Variants in LTBP3 observed in about 807,000 individuals in gnomAD.
LTBP3 encodes latent-transforming growth factor beta-binding protein 3.
In LTBP3, 97 loss-of-function variants were observed where a neutral mutation model predicts 159.7. The observed-to-expected ratio is 0.61, with a 90% CI of 0.52 to 0.72. The LOEUF (loss-of-function observed/expected upper bound fraction) is 0.72, where lower values mean the gene tolerates loss of function less well. Among genes scored for constraint, LTBP3 ranks in the 30% least tolerant of loss-of-function variants. The probability of loss-of-function intolerance (pLI) is 0.00; values close to 1 mark genes in which losing one functional copy is unlikely to be tolerated. For missense variants in LTBP3, 1,584 were observed against 1,864.3 expected (o/e 0.85, Z 2.77); for synonymous variants, 824 against 777.1 (o/e 1.06, Z -1.00).
chr11:65,556,968 G>C (rs1856833926), intron 1 of LTBP3, among the ~76,000 whole-genome samples: 1 of 152,072 alleles, frequency 6.6e-6, no homozygotes, highest in Admixed American at 6.5e-5. Flanking sequence ...GTAGGGGCTT[G>C]GGGGAGGATG....
intron 23 of LTBP3, 43 bp downstream of exon 23, chr11:65,540,202 C>A: frequency 1.3e-6 from 2 of 1,544,288 alleles, no homozygotes; most frequent in Non-Finnish European, 1.7e-6. Flanking sequence ...TCGGCCCGGG[C>A]CCCGCCCCTC....
rs895862017 is a variant in LTBP3, at chr11:65,547,239, G to C, written c.2107+200C>G. Among the ~76,000 whole-genome samples the C allele has an allele frequency of 6.6e-6, 1 of 152,144 alleles. No individual in the cohort carries two copies. ...GGCGCCCGTAATCCCAGCTACTCGG[G>C]AGGCTGAGGCAGGAGAATCGCTTGA... On this transcript the variant is annotated intron_variant, in intron 14 of 27. Transcript: ENST00000301873. This position sits in a 1 kb window ranked among gnomAD's most constrained non-coding sequence, Gnocchi z 4.6.
rs546184125 is a variant in LTBP3, at chr11:65,551,058, G to C, written c.1720+68C>G. On this transcript the variant is annotated intron_variant, in intron 11 of 27. Transcript: ENST00000301873. ...AGCGCTAGGGAATGCCTGGGGGCGG[G>C]AGGGAGGAGAGAAAACTAAAGTGGG... 1,170 of 1,275,878 alleles carry C rather than the reference G, an allele frequency of 9.2e-4. 2 individuals carry two copies. Among genetic ancestry groups the C allele is most frequent in the Non-Finnish European group, 1.2e-3 (1,125 of 905,598 alleles). 79.0% of individuals were successfully genotyped at this position (1,275,878 alleles called of 1,614,324 possible).
Position 65,554,276 on chromosome 11 carries a change from C to T in LTBP3, c.436G>A (p.Gly146Arg), listed in dbSNP as rs1401036335. The T allele has an allele frequency of 1.9e-6, 3 of 1,611,086 alleles. No homozygotes were observed. The highest frequency in any genetic ancestry group is 2.5e-6 in the Non-Finnish European group (3 of 1,179,352). The change falls in exon 2 of 28, where the codon GGA becomes AGA. Residue 146 changes from glycine to arginine, a missense_variant. By Grantham distance (125) the Gly-to-Arg change is moderately radical (BLOSUM62 -2). Transcript: ENST00000301873. The surrounding 1 kb of genome is among the most constrained non-coding windows in gnomAD (Gnocchi z 5.3). ...TGRFCQVPAGGAGGGTGGSGP... is the reference protein window; with the variant it reads ...TGRFCQVPAGRAGGGTGGSGP... ...GAGCCGCCGGTACCCCCACCGGCTC[C>T]TCCTGCGGGCACCTGGCAGAAGCGC...
intron 11 of LTBP3, chr11:65,548,933 G>T (rs949820353): frequency 1.3e-5 from 2 of 152,198 alleles, no homozygotes; most frequent in African/African-American, 2.4e-5. Flanking sequence ...GAGGATCAGG[G>T]TTTCAGCTGG....
rs147143573 is a variant in LTBP3, at chr11:65,543,430, C to T, written c.2473G>A (p.Glu825Lys). 7.6e-5 allele frequency: 122 copies of T among 1,613,936 alleles called. No individual in the cohort carries two copies. Among genetic ancestry groups the T allele is most frequent in the Non-Finnish European group, 9.5e-5 (112 of 1,179,998 alleles). The change falls in exon 17 of 28, where the codon GAG becomes AAG. Residue 825 changes from glutamate to lysine, a missense_variant. Coordinates refer to ENST00000301873, the MANE Select transcript of LTBP3 (RefSeq NM_001130144.3). ...CCCCAGCTCTAAGATCCCTCACCCT[C>T]GCAGTGGCTCCGGTCCCTGGACAGA... ...YHLSRDRSHC[E>K]DIDECDFPAA... is the part of the protein sequence containing the mutation.
At position 65,554,157 on chromosome 11, in the gene LTBP3, G is replaced by C. The variant is rs1856721761; in HGVS notation, c.555C>G (p.Ile185Met). 4.3e-6 allele frequency: 7 copies of C among 1,612,058 alleles called. No homozygotes were observed. In the East Asian group the frequency reaches 1.6e-4, roughly 36 times the overall value. The change falls in exon 2 of 28, where the codon ATC (isoleucine) becomes ATG (methionine). Residue 185 changes from isoleucine (I) to methionine (M), a missense_variant. Coordinates refer to ENST00000301873, the MANE Select transcript of LTBP3 (RefSeq NM_001130144.3). The surrounding 1 kb of genome is among the most constrained non-coding windows in gnomAD (Gnocchi z 5.3). ...GGTCAGCGATCACCTGGACGGCGTA[G>C]ATGGCGTGCTTGCTGGCCACAGAGT... ...EGDSVASKHAIYAVQVIADPP... is the reference protein window; with the variant it reads ...EGDSVASKHAMYAVQVIADPP...
At position 65,553,336 on chromosome 11, in the gene LTBP3, G is replaced by T; in HGVS notation, c.971-80C>A. The T allele has an allele frequency of 7.5e-7, 1 of 1,339,258 alleles. No individual in the cohort carries two copies. Among genetic ancestry groups the T allele is most frequent in the Non-Finnish European group, 1.1e-6 (1 of 937,642 alleles). The allele number at this position is 1,339,258 out of a possible 1,614,324, so 83.0% of individuals were successfully genotyped here. On this transcript the variant is annotated intron_variant, in intron 4 of 27. Transcript: ENST00000301873. This position sits in a 1 kb window ranked among gnomAD's most constrained non-coding sequence, Gnocchi z 6.5. ...CACAGCAGATGTAGAGAGGAATCTG[G>T]TGACCTGGGGACTCCCACTGCAGGG...
chr11:65,556,926 G>C (rs1167964030), intron 1 of LTBP3, among the ~76,000 whole-genome samples: 2 of 152,102 alleles, frequency 1.3e-5, no homozygotes, highest in African/African-American at 4.8e-5. Flanking sequence ...ATGCTGGGGA[G>C]GGGGTGGACT....
At chr11:65,543,593 T>C (rs1452716113) in intron 16 of LTBP3, 44 bp from the exon 17 acceptor site, 1 of 1,613,376 alleles carries the variant, frequency 6.2e-7, no homozygotes, top group Non-Finnish European at 8.5e-7. Flanking sequence ...TGGGTGGTCT[T>C]GGGTTTCTAC....
rs1856738209 is a variant in LTBP3, at chr11:65,554,568, T to C, written c.332-188A>G. ...CTATGTTGGGTTCTGGAGTCTCAAG[T>C]CCAGGATTTAAATCCTCGCTAAGCC... On this transcript the variant is annotated intron_variant, in intron 1 of 27. Transcript: ENST00000301873. This position sits in a 1 kb window ranked among gnomAD's most constrained non-coding sequence, Gnocchi z 5.3. Among the ~76,000 whole-genome samples the C allele has an allele frequency of 6.6e-6, 1 of 152,034 alleles. No homozygotes were observed. The highest frequency in any genetic ancestry group is 1.5e-5 in the Non-Finnish European group (1 of 67,972).
In LTBP3 at chr11:65,547,659, C is replaced by T. The variant is rs751502212; in HGVS notation, c.1978+31G>A. 1 of 1,606,476 alleles carries T rather than the reference C, an allele frequency of 6.2e-7. No homozygotes were observed. The highest frequency in any genetic ancestry group is 1.1e-5 in the South Asian group (1 of 90,902). ...CGGTCTGGAGGAGAGCCCGTCCCACCCAGGGCCGCCTCCGCCCTGGCGGCG... is the reference window on the plus strand; with the variant it reads ...CGGTCTGGAGGAGAGCCCGTCCCACTCAGGGCCGCCTCCGCCCTGGCGGCG... On this transcript the variant is annotated intron_variant, in intron 13 of 27. Transcript: ENST00000301873. The surrounding 1 kb of genome is among the most constrained non-coding windows in gnomAD (Gnocchi z 4.6).
chr11:65,554,258 C>G lies in LTBP3; in HGVS notation c.454G>C (p.Gly152Arg). The G allele has an allele frequency of 6.2e-7, 1 of 1,609,700 alleles. No individual in the cohort carries two copies. Among genetic ancestry groups the G allele is most frequent in the Non-Finnish European group, 8.5e-7 (1 of 1,178,982 alleles). The change falls in exon 2 of 28, where the codon GGC (glycine) becomes CGC (arginine). Residue 152 changes from glycine to arginine, a missense_variant. Coordinates refer to ENST00000301873, the MANE Select transcript of LTBP3 (RefSeq NM_001130144.3). The surrounding 1 kb of genome is among the most constrained non-coding windows in gnomAD (Gnocchi z 5.3). ...VPAGGAGGGT[G>R]GSGPGLSRTG... is the part of the protein sequence containing the mutation. Reference sequence around the variant, plus strand: ...CTGCTCAGGCCGGGGCCTGAGCCGCCGGTACCCCCACCGGCTCCTCCTGCG... The same window carrying G: ...CTGCTCAGGCCGGGGCCTGAGCCGCGGGTACCCCCACCGGCTCCTCCTGCG...
chr11:65,541,779 G>A, intron 18 of LTBP3, 51 bp from the exon 19 acceptor site: 1 of 1,609,258 alleles, frequency 6.2e-7, no homozygotes, highest in African/African-American at 1.3e-5. Context: ...TTTCCCTGGG[G>A]CTGCACCTCA....
chr11:65,546,952 C>T lies in LTBP3; in HGVS notation c.2108-32G>A. ...GGGAGGGAGAAGGAAGAGGACCCATCTGGGGACAACGCGGGTGGCCCGGCT... is the reference window on the plus strand; with the variant it reads ...GGGAGGGAGAAGGAAGAGGACCCATTTGGGGACAACGCGGGTGGCCCGGCT... On this transcript the variant is annotated intron_variant, in intron 14 of 27. Transcript: ENST00000301873. This position sits in a 1 kb window ranked among gnomAD's most constrained non-coding sequence, Gnocchi z 4.0. 1.9e-6 allele frequency: 3 copies of T among 1,607,300 alleles called. No homozygotes were observed. The highest frequency in any genetic ancestry group is 2.5e-6 in the Non-Finnish European group (3 of 1,179,560).
Position 65,552,504 on chromosome 11 carries a change from C to T in LTBP3, c.1187-98G>A. 1 of 1,451,958 alleles carries T rather than the reference C, an allele frequency of 6.9e-7. No individual in the cohort carries two copies. Among genetic ancestry groups the T allele is most frequent in the Non-Finnish European group, 9.4e-7 (1 of 1,060,636 alleles). 89.9% of individuals were successfully genotyped at this position (1,451,958 alleles called of 1,614,324 possible). On this transcript the variant is annotated intron_variant, in intron 6 of 27. Coordinates refer to ENST00000301873, the MANE Select transcript of LTBP3 (RefSeq NM_001130144.3). This position sits in a 1 kb window ranked among gnomAD's most constrained non-coding sequence, Gnocchi z 6.0. ...GACCTTGCCTCTCCGGCCCAGACAA[C>T]CCTTGATCCCCCATGTGGTCTCTGA...
In LTBP3 at chr11:65,552,368, C is replaced by T; in HGVS notation, c.1225G>A (p.Val409Met). ...TGCTGGCACTGGTGCTCAGGGCTCA[C>T]CAGGCGGAAACACAGGCTCTTCTCC... ...PEEKSLCFRL[V>M]SPEHQCQHPL... The change falls in exon 7 of 28, where the codon GTG becomes ATG. Residue 409 changes from valine to methionine, a missense_variant. Physicochemically the swap from Val to Met is conservative, Grantham distance 21 (BLOSUM62 1). Coordinates refer to ENST00000301873, the MANE Select transcript of LTBP3 (RefSeq NM_001130144.3). This position sits in a 1 kb window ranked among gnomAD's most constrained non-coding sequence, Gnocchi z 6.0. The T allele has an allele frequency of 1.2e-6, 2 of 1,613,980 alleles. No individual in the cohort carries two copies. The highest frequency in any genetic ancestry group is 8.5e-7 in the Non-Finnish European group (1 of 1,179,986).
At chr11:65,545,506 CCTCA>C (rs1329992677) in intron 16 of LTBP3, 19 of 231,972 alleles carry the variant, frequency 8.2e-5, no homozygotes, top group Non-Finnish European at 1.5e-4. Context: ...AGCACTACCC[CCTCA>C]CTCACCCAAA....
rs758863489 is a variant in LTBP3 at position 65,547,893 on chromosome 11, C to T, written c.1846+27G>A. On this transcript the variant is annotated intron_variant, in intron 12 of 27. Coordinates refer to ENST00000301873, the MANE Select transcript of LTBP3 (RefSeq NM_001130144.3). This position sits in a 1 kb window ranked among gnomAD's most constrained non-coding sequence, Gnocchi z 4.6. The stretch of plus-strand genomic sequence containing the variant: ...TCTGGGGTCCCCCCCCACCCACCTG[C>T]ATGCCCGCCGCCTGCCCTGCGCTCA... 2 of 1,613,342 alleles carry T rather than the reference C, an allele frequency of 1.2e-6. No individual in the cohort carries two copies. Among genetic ancestry groups the T allele is most frequent in the Non-Finnish European group, 1.7e-6 (2 of 1,179,934 alleles).
Sources: gnomAD v4.1 joint callset for allele counts (sites outside exome capture counted in the v4.1 genomes callset) on GRCh38, gnomAD v4.1.1 for gene constraint, Gnocchi (gnomAD v3.1) non-coding constraint, MANE v1.5 for transcripts, NCBI Gene and HGNC (gene_info 2026-07-23, HGNC 2026-07-21) for gene names.